The following CWC25 variants were observed in gnomAD, a reference collection of about 807,000 sequenced individuals.
CWC25 encodes pre-mRNA-splicing factor CWC25 homolog.
A neutral mutation model predicts 54.6 loss-of-function variants in CWC25; 31 were observed. The observed-to-expected ratio is 0.57, with a 90% CI of 0.43 to 0.77. The LOEUF (loss-of-function observed/expected upper bound fraction) is 0.77, where lower values mean the gene tolerates loss of function less well. Among genes scored for constraint, CWC25 ranks in the 30% least tolerant of loss-of-function variants. The pLI is 0.00. For synonymous variants in CWC25, 151 were observed against 187.0 expected, an observed-to-expected ratio of 0.81 and a Z score of 1.57; for missense variants, 453 against 529.3, an observed-to-expected ratio of 0.86 and a Z score of 1.41.
intron 1 of CWC25, among the ~76,000 whole-genome samples, chr17:38,822,761 G>A (rs995580452): frequency 4.6e-5 from 7 of 151,894 alleles, no homozygotes; most frequent in African/African-American, 1.7e-4. Context: ...GTGCAGGGAC[G>A]CAAGAAGAAG....
intron 1 of CWC25, among the ~76,000 whole-genome samples, chr17:38,823,570 G>C (rs931396706): frequency 4.6e-5 from 7 of 151,876 alleles, no homozygotes; most frequent in Admixed American, 4.6e-4. Flanking sequence ...GAAAATGTTC[G>C]GTCAATGAGA....
intron 4 of CWC25, among the ~76,000 whole-genome samples, chr17:38,812,456 C>T (rs1238874807): frequency 2.0e-5 from 3 of 152,044 alleles, no homozygotes; most frequent in Admixed American, 6.6e-5. Flanking sequence ...GAATAAACCC[C>T]GTCTCTACTA....
intron 1 of CWC25, among the ~76,000 whole-genome samples, chr17:38,823,263 G>C (rs1242207102): frequency 1.4e-5 from 2 of 147,718 alleles, no homozygotes; most frequent in Admixed American, 1.4e-4. Flanking sequence ...GGGTTCAAGC[G>C]ATTCTCCTGC....
At chr17:38,810,666 T>A in intron 4 of CWC25, 71 bp from the exon 5 acceptor site, 1 of 789,694 alleles carries the variant, frequency 1.3e-6, no homozygotes, top group Non-Finnish European at 2.2e-6. Flanking sequence ...ATGCCTGTAA[T>A]CCCAGCACTT....
intron 2 of CWC25, among the ~76,000 whole-genome samples, chr17:38,819,017 A>G (rs1266562470): frequency 6.6e-6 from 1 of 150,398 alleles, no homozygotes; most frequent in African/African-American, 2.4e-5. Flanking sequence ...ATTTTTACTT[A>G]TTTATTTATT....
chr17:38,818,453 G>T (rs1471711721), intron 2 of CWC25, among the ~76,000 whole-genome samples: 1 of 150,944 alleles, frequency 6.6e-6, no homozygotes, highest in African/African-American at 2.4e-5. Flanking sequence ...TTAGCCGGGC[G>T]TGGTGGCGGG....
intron 3 of CWC25, 35 bp from the exon 4 acceptor site, chr17:38,812,899 T>G: frequency 8.3e-7 from 1 of 1,208,240 alleles, no homozygotes; most frequent in South Asian, 1.3e-5. Flanking sequence ...CATGACTATT[T>G]CTTTTCTCCA....
chr17:38,805,671 C>T (rs1911206280), intron 8 of CWC25, among the ~76,000 whole-genome samples: 2 of 152,022 alleles, frequency 1.3e-5, no homozygotes, highest in African/African-American at 4.8e-5. Context: ...CTCGCTCTGT[C>T]GCCCAAGCAA....
chr17:38,812,753 G>A, intron 4 of CWC25, 42 bp downstream of exon 4: 1 of 1,148,304 alleles, frequency 8.7e-7, no homozygotes, highest in Non-Finnish European at 1.3e-6. Context: ...CACGTTATAT[G>A]GCTAAAAGAT....
At chr17:38,819,854 T>TA (rs1911852746) in intron 2 of CWC25, among the ~76,000 whole-genome samples, 2 of 152,056 alleles carry the variant, frequency 1.3e-5, no homozygotes, top group Admixed American at 1.3e-4. Flanking sequence ...TGTATTTTAA[T>TA]AGAGACAGGG....
Position 38,802,692 on chromosome 17 carries a change from G to C in CWC25, c.1163+8C>G. ...TGAAAGACCCTGGCAGGAAGAAGAT[G>C]CACTCACTGGATGAACTTCCCATCC... On this transcript the variant is annotated splice_region_variant and intron_variant, in intron 9 of 9. Transcript: ENST00000614790. 6.2e-7 allele frequency: 1 copy of C among 1,613,800 alleles called. No homozygotes were observed. Among genetic ancestry groups the C allele is most frequent in the Non-Finnish European group, 8.5e-7 (1 of 1,179,808 alleles).
rs1306247474 is a variant in CWC25, at chr17:38,812,848, TCTC to T, written c.442_444del (p.Glu148del). ...GGATTATTTAATACCTCTCGTTTTTTCTCCTCCTCCTTCTTCCTAAAGAGAGAT... is the reference window on the plus strand; with the variant it reads ...GGATTATTTAATACCTCTCGTTTTTTCTCCTCCTTCTTCCTAAAGAGAGAT... On this transcript the variant is annotated inframe_deletion, in exon 4 of 10. Coordinates refer to ENST00000614790, the MANE Select transcript of CWC25 (RefSeq NM_017748.5). 3.9e-6 allele frequency: 6 copies of T among 1,522,576 alleles called. No homozygotes were observed. The highest frequency in any genetic ancestry group is 3.6e-6 in the Non-Finnish European group (4 of 1,121,224). 94.3% of individuals were successfully genotyped at this position (1,522,576 alleles called of 1,614,324 possible). A position where few individuals can be genotyped will look rare whatever the true frequency, so the allele number is the denominator to read the frequency against.
Position 38,820,905 on chromosome 17 carries a change from C to T in CWC25, c.187G>A (p.Val63Ile), listed in dbSNP as rs555146635. Residue 63 changes from valine (V) to isoleucine (I), a missense_variant, in exon 2 of 10, where the codon GTC becomes ATC. Physicochemically the swap from Val to Ile is conservative, Grantham distance 29. This residue lies in a region of CWC25 where 444 missense variants were observed against 499.2 expected (regional missense o/e 0.89). Transcript: ENST00000614790. ...CACCCCCAGCTCCTCACTTACTTGA[C>T]GGCCCCAACATCCTCCGCATAGCGC... ...MQRYAEDVGA[V>I]KKKEEKLDWM... 3.7e-5 allele frequency: 59 copies of T among 1,609,304 alleles called. No homozygotes were observed. The Admixed American group carries it at 3.7e-4, about 10-fold the overall frequency.
At position 38,815,004 on chromosome 17, in the gene CWC25, A is replaced by C; in HGVS notation, c.285T>G (p.Tyr95Ter). Residue 95 changes from tyrosine (Y) to a stop codon, truncating the protein, a stop_gained, in exon 3 of 10, where the codon TAT becomes TAG. Coordinates refer to ENST00000614790, the MANE Select transcript of CWC25 (RefSeq NM_017748.5). LOFTEE classifies it high-confidence loss of function. The part of the protein sequence containing the change: ...EYLLGRPIDK[Y>*]VFEKMEEKEA... ...CCTTCTCCTCCATCTTCTCAAAAAC[A>C]TATTTGTCAATGGGGCGCCCCAGCA... The C allele has an allele frequency of 1.9e-6, 3 of 1,613,876 alleles. No individual in the cohort carries two copies. Among genetic ancestry groups the C allele is most frequent in the African/African-American group, 2.7e-5 (2 of 74,998 alleles).
At chr17:38,823,066 C>T (rs1911991373) in intron 1 of CWC25, among the ~76,000 whole-genome samples, 1 of 151,740 alleles carries the variant, frequency 6.6e-6, no homozygotes, top group East Asian at 1.9e-4. Flanking sequence ...TCTCGATCTC[C>T]TGACCTCATG....
chr17:38,823,349 G>A (rs552626188), intron 1 of CWC25, among the ~76,000 whole-genome samples: 82 of 150,858 alleles, frequency 5.4e-4, no homozygotes, highest in Non-Finnish European at 9.2e-4. Context: ...TAGTAGAGAC[G>A]GGGTTTCACC....
intron 6 of CWC25, among the ~76,000 whole-genome samples, chr17:38,808,200 T>C (rs559975735): frequency 7.4e-6 from 1 of 134,992 alleles, no homozygotes; most frequent in South Asian, 2.5e-4. Context: ...CTGGCCAATA[T>C]GGTCAAACCC....
chr17:38,814,745 CA>C (rs71138658), intron 3 of CWC25, 115 bp downstream of exon 3: 58,143 of 450,954 alleles, frequency 0.13, 2 homozygotes, highest in Middle Eastern at 0.14. Flanking sequence ...GACTCCGTCT[CA>C]AAAAAAAAAA....
intron 4 of CWC25, among the ~76,000 whole-genome samples, chr17:38,811,479 G>A (rs528332018): frequency 1.3e-4 from 20 of 148,488 alleles, no homozygotes; most frequent in Non-Finnish European, 4.4e-5. Context: ...TTTGCAGTGA[G>A]CTAAGATCGT....
Sources: allele counts gnomAD v4.1 joint callset (sites outside exome capture counted in the v4.1 genomes callset), GRCh38; gene constraint gnomAD v4.1.1; regional missense constraint gnomAD v4.1.1; transcripts MANE v1.5; gene names NCBI Gene and HGNC (gene_info 2026-07-23, HGNC 2026-07-21).